NTHL1: variants seen among roughly 807,000 people sequenced by gnomAD.
NTHL1 encodes nth like DNA glycosylase 1.
Under a neutral mutation model 32.3 loss-of-function variants are expected in NTHL1, and 32 were observed. The ratio of observed to expected loss-of-function variants is 0.99; its 90% CI spans 0.75 to 1.33. The LOEUF is 1.33. NTHL1 is among the 40% of genes most tolerant of loss of function. The probability of loss-of-function intolerance (pLI) is 0.00; values close to 1 mark genes in which losing one functional copy is unlikely to be tolerated. For synonymous variants in NTHL1, 188 were observed against 176.9 expected, an observed-to-expected ratio of 1.06 and a Z score of -0.50; for missense variants, 501 against 414.1, an observed-to-expected ratio of 1.21 and a Z score of -1.82.
chr16:2,039,918 C>A lies in NTHL1; in HGVS notation c.*6G>T, dbSNP rs749620192. The A allele has an allele frequency of 1.9e-5, 30 of 1,600,798 alleles. No individual in the cohort carries two copies. Among genetic ancestry groups the A allele is most frequent in the Non-Finnish European group, 2.4e-5 (28 of 1,179,814 alleles). Reference sequence around the variant, plus strand: ...CAGCGGCACCTCGGCCAGAGCCATGCGGCCATCAGAGACCCTGGGCGGCCG... The same window carrying A: ...CAGCGGCACCTCGGCCAGAGCCATGAGGCCATCAGAGACCCTGGGCGGCCG... On this transcript the variant is annotated 3_prime_UTR_variant, in exon 6 of 6. Coordinates refer to ENST00000651570, the MANE Select transcript of NTHL1 (RefSeq NM_002528.7).
chr16:2,046,786 ATATGGCAAAACCCCATCTC>A (rs1180786781), intron 1 of NTHL1, among the ~76,000 whole-genome samples: 1 of 152,148 alleles, frequency 6.6e-6, no homozygotes, highest in Non-Finnish European at 1.5e-5. Flanking sequence ...AGCCTGGCCA[ATATGGCAAAACCCCATCTC>A]TACTAAAAAT....
chr16:2,040,597 C>T (rs1031198624), intron 4 of NTHL1: 3 of 406,778 alleles, frequency 7.4e-6, no homozygotes, highest in Non-Finnish European at 1.4e-5. Context: ...GCTCTATTCC[C>T]CACAATAACA....
At chr16:2,042,120 C>T (rs1596218023) in intron 4 of NTHL1, 1 of 455,652 alleles carries the variant, frequency 2.2e-6, no homozygotes, top group South Asian at 1.5e-5. Context: ...CTGGGGTCTC[C>T]TTGCAGGTGG....
At chr16:2,047,555 G>A in intron 1 of NTHL1, 154 bp downstream of exon 1, 1 of 1,260,742 alleles carries the variant, frequency 7.9e-7, no homozygotes, top group African/African-American at 1.5e-5. Flanking sequence ...AAAGGCGCAA[G>A]GTGGGAACGC....
rs1337853224 is a variant in NTHL1 at position 2,039,938 on chromosome 16, C to T, written c.901G>A (p.Ala301Thr). The T allele has an allele frequency of 4.4e-6, 7 of 1,603,234 alleles. No individual in the cohort carries two copies. The highest frequency in any genetic ancestry group is 1.7e-5 in the Admixed American group (1 of 59,992). The change falls in exon 6 of 6, where the codon GCC becomes ACC. Residue 301 changes from alanine to threonine, a missense_variant. By Grantham distance (58) the Ala-to-Thr change is moderately conservative (BLOSUM62 0). Transcript: ENST00000651570. Reference protein sequence around the residue: ...ACLNQALCPAAQGL With the variant: ...ACLNQALCPATQGL ...CCATGCGGCCATCAGAGACCCTGGG[C>T]GGCCGGGCAGAGGGCTTGGTTGAGG...
rs760660436 is a variant in NTHL1, at chr16:2,039,880, C to T, written c.*44G>A. On this transcript the variant is annotated 3_prime_UTR_variant, in exon 6 of 6. Coordinates refer to ENST00000651570, the MANE Select transcript of NTHL1 (RefSeq NM_002528.7). ...CTTCCTGAAGCGTAAAGCCACTTCA[C>T]AGACGGTGGCCACAGCGGCACCTCG... 1 of 1,597,488 alleles carries T rather than the reference C, an allele frequency of 6.3e-7. No individual in the cohort carries two copies. The highest frequency in any genetic ancestry group is 2.2e-5 in the East Asian group (1 of 44,852).
intron 4 of NTHL1, among the ~76,000 whole-genome samples, chr16:2,041,733 G>A (rs1467188141): frequency 2.0e-5 from 3 of 151,990 alleles, no homozygotes; most frequent in Non-Finnish European, 4.4e-5. Flanking sequence ...TCAGCCTCCC[G>A]AGTAGCTGGG....
At position 2,046,279 on chromosome 16, in the gene NTHL1, C is replaced by T. The variant is rs1346428624; in HGVS notation, c.203G>A (p.Gly68Asp). ...CACCTTGAGGGGCTCAGCCCCCTCA[C>T]CTTTCTCACTGTCCGAGCCCTCATA... is the stretch of plus-strand genomic sequence containing the variant. ...VAYEGSDSEK[G>D]EGAEPLKVPV... The change falls in exon 2 of 6, where the codon GGT (glycine) becomes GAT (aspartate). Residue 68 changes from glycine to aspartate, a missense_variant. Gly to Asp is a moderately conservative substitution (Grantham distance 94). Coordinates refer to ENST00000651570, the MANE Select transcript of NTHL1 (RefSeq NM_002528.7). 6.2e-7 allele frequency: 1 copy of T among 1,613,330 alleles called. No homozygotes were observed. Among genetic ancestry groups the T allele is most frequent in the Admixed American group, 1.7e-5 (1 of 60,026 alleles).
intron 1 of NTHL1, chr16:2,047,182 C>T (rs149616212): frequency 4.8e-4 from 75 of 156,876 alleles, no homozygotes; most frequent in Non-Finnish European, 7.6e-4. Flanking sequence ...GCAGAAGTCC[C>T]AGCGGGACTA....
chr16:2,040,039 C>T lies in NTHL1; in HGVS notation c.800G>A (p.Trp267Ter), dbSNP rs1176002553. The T allele has an allele frequency of 1.2e-6, 2 of 1,612,328 alleles. No individual in the cohort carries two copies. The highest frequency in any genetic ancestry group is 1.7e-6 in the Non-Finnish European group (2 of 1,180,002). Residue 267 changes from tryptophan (W) to a stop codon, truncating the protein, a stop_gained, in exon 6 of 6, where the codon TGG (tryptophan) becomes TAG (stop). Transcript: ENST00000651570. LOFTEE classifies it high-confidence loss of function. ...ALEEWLPREL[W>*]HEINGLLVGF... is the part of the protein sequence containing the mutation. ...CACCAAGAGTCCATTGATCTCGTGCCACAGCTCCCTGTGGGGGTGGGGGCT... is the reference window on the plus strand; with the variant it reads ...CACCAAGAGTCCATTGATCTCGTGCTACAGCTCCCTGTGGGGGTGGGGGCT...
At chr16:2,041,260 T>C (rs1887506148) in intron 4 of NTHL1, among the ~76,000 whole-genome samples, 1 of 152,226 alleles carries the variant, frequency 6.6e-6, no homozygotes, top group Admixed American at 6.5e-5. Flanking sequence ...GAAGTGGCCA[T>C]GCTTCAAGGC....
chr16:2,046,532 C>T (rs1258710300), intron 1 of NTHL1, among the ~76,000 whole-genome samples, 166 bp from the exon 2 acceptor site: 3 of 152,274 alleles, frequency 2.0e-5, no homozygotes, highest in African/African-American at 7.2e-5. Flanking sequence ...TGTGGGCCCT[C>T]CTTATGCCAG....
rs1316588754 is a variant in NTHL1 at position 2,043,150 on chromosome 16, G to C, written c.685+417C>G. On this transcript the variant is annotated intron_variant, in intron 4 of 5. Coordinates refer to ENST00000651570, the MANE Select transcript of NTHL1 (RefSeq NM_002528.7). The surrounding 1 kb of genome is among the most constrained non-coding windows in gnomAD (Gnocchi z 4.4). ...GCTGGGAACACACTTCCTCCTCTTG[G>C]CCTGGCTCACCCCACCTTGCTCTGC... 6.6e-6 allele frequency among the ~76,000 whole-genome samples: 1 copy of C among 150,816 alleles called. No individual in the cohort carries two copies. Among genetic ancestry groups the C allele is most frequent in the Non-Finnish European group, 1.5e-5 (1 of 67,742 alleles).
rs1030523711 is a variant in NTHL1 at position 2,043,821 on chromosome 16, C to A, written c.526-95G>T. On this transcript the variant is annotated intron_variant, in intron 3 of 5. Transcript: ENST00000651570. This position sits in a 1 kb window ranked among gnomAD's most constrained non-coding sequence, Gnocchi z 4.4. ...GGAGACCCACAGGTGGCCAGAGCTA[C>A]CTGCACCTGCTGAGGACGTGTGCAA... 5.5e-5 allele frequency: 79 copies of A among 1,432,426 alleles called. No homozygotes were observed. The Admixed American group carries it at 1.4e-3, about 25-fold the overall frequency. 88.7% of individuals were successfully genotyped at this position (1,432,426 alleles called of 1,614,324 possible). A position where few individuals can be genotyped will look rare whatever the true frequency, so the allele number is the denominator to read the frequency against.
chr16:2,047,619 G>A (rs2150956233), intron 1 of NTHL1, 90 bp downstream of exon 1: 2 of 1,476,038 alleles, frequency 1.4e-6, no homozygotes, highest in Non-Finnish European at 1.8e-6. Flanking sequence ...CCCTGCCCGC[G>A]CAGCTGGGAG....
rs778951506 is a variant in NTHL1 at position 2,039,926 on chromosome 16, A to G, written c.913T>C (p.Ter305ArgextTer?). ...CCTCGGCCAGAGCCATGCGGCCATC[A>G]GAGACCCTGGGCGGCCGGGCAGAGG... Reference protein sequence around the residue: ...QALCPAAQGL* With the variant: ...QALCPAAQGLR The change falls in exon 6 of 6, where the codon TGA becomes CGA. Residue 305 changes from the stop codon to arginine (R), a stop_lost. Transcript: ENST00000651570. 6.2e-7 allele frequency: 1 copy of G among 1,601,832 alleles called. No homozygotes were observed. Among genetic ancestry groups the G allele is most frequent in the Non-Finnish European group, 8.5e-7 (1 of 1,179,842 alleles).
intron 4 of NTHL1, among the ~76,000 whole-genome samples, chr16:2,041,775 T>C (rs1200002138): frequency 6.6e-6 from 1 of 152,214 alleles, no homozygotes; most frequent in East Asian, 1.9e-4. Context: ...GCCTGGCTAA[T>C]TTTTTGTGTT....
chr16:2,043,622 C>T lies in NTHL1; in HGVS notation c.630G>A (p.Gly210=), dbSNP rs1284940984. 2 of 1,610,766 alleles carry T rather than the reference C, an allele frequency of 1.2e-6. No individual in the cohort carries two copies. Among genetic ancestry groups the T allele is most frequent in the Non-Finnish European group, 8.5e-7 (1 of 1,179,952 alleles). The part of the protein sequence containing the change: ...VAELVALPGV[G]PKMAHLAMAV... ...CCATAGCCAGGTGTGCCATCTTGGGCCCAACACCCGGCAGCGCCACCAGCT... is the reference window on the plus strand; with the variant it reads ...CCATAGCCAGGTGTGCCATCTTGGGTCCAACACCCGGCAGCGCCACCAGCT... Residue 210 remains glycine, a synonymous_variant, in exon 4 of 6, where the codon GGG becomes GGA. Coordinates refer to ENST00000651570, the MANE Select transcript of NTHL1 (RefSeq NM_002528.7). This position sits in a 1 kb window ranked among gnomAD's most constrained non-coding sequence, Gnocchi z 4.4.
At chr16:2,047,580 G>A in intron 1 of NTHL1, 129 bp downstream of exon 1, 1 of 1,393,844 alleles carries the variant, frequency 7.2e-7, no homozygotes, top group South Asian at 1.5e-5. Flanking sequence ...CCGCACGTGG[G>A]AACCGTTCGC....
Sources: gnomAD v4.1 joint callset for allele counts (sites outside exome capture counted in the v4.1 genomes callset) on GRCh38, gnomAD v4.1.1 for gene constraint, Gnocchi (gnomAD v3.1) non-coding constraint, MANE v1.5 for transcripts, NCBI Gene and HGNC (gene_info 2026-07-23, HGNC 2026-07-21) for gene names.